RCAN2: variants seen among roughly 807,000 people sequenced by gnomAD.
RCAN2 encodes the protein calcipressin-2.
A neutral mutation model predicts 23.6 loss-of-function variants in RCAN2; 9 were observed. The observed-to-expected ratio is 0.38, with a 90% CI of 0.23 to 0.67. RCAN2 has a LOEUF of 0.67. RCAN2 is among the 30% of genes least tolerant of loss of function. The pLI, the probability that RCAN2 is intolerant of heterozygous loss-of-function variation, is 0.51. For missense variants in RCAN2, 273 were observed against 302.3 expected (o/e 0.90, Z 0.72); for synonymous variants, 109 against 115.7 (o/e 0.94, Z 0.37).
intron 1 of RCAN2, among the ~76,000 whole-genome samples, chr6:46,460,304 C>T (rs1768171001): frequency 6.6e-6 from 1 of 152,156 alleles, no homozygotes; most frequent in African/African-American, 2.4e-5. Context: ...TCAAATAGTC[C>T]TCCCATTTTG....
intron 2 of RCAN2, among the ~76,000 whole-genome samples, chr6:46,303,925 A>C (rs781437728): frequency 3.3e-5 from 5 of 152,078 alleles, no homozygotes; most frequent in African/African-American, 7.2e-5. Flanking sequence ...ATCCTTGTCC[A>C]TGTCTTCTGG....
intron 2 of RCAN2, among the ~76,000 whole-genome samples, chr6:46,403,007 C>A (rs1171958784): frequency 2.0e-5 from 3 of 151,832 alleles, no homozygotes; most frequent in African/African-American, 7.3e-5. Context: ...CTCTGTTACC[C>A]AGGCTGGAGT....
intron 2 of RCAN2, among the ~76,000 whole-genome samples, chr6:46,274,868 G>T (rs1767640833): frequency 1.3e-5 from 2 of 152,176 alleles, no homozygotes; most frequent in Non-Finnish European, 2.9e-5. Flanking sequence ...TACCCAAGGA[G>T]ACCCTTTGGC....
intron 2 of RCAN2, among the ~76,000 whole-genome samples, chr6:46,325,097 A>C (rs541597413): frequency 1.3e-5 from 2 of 152,248 alleles, no homozygotes; most frequent in Non-Finnish European, 2.9e-5. Context: ...CTCCTTATTG[A>C]CAAAGATACA....
chr6:46,344,787 A>T (rs1301441465), intron 2 of RCAN2, among the ~76,000 whole-genome samples: 1 of 152,102 alleles, frequency 6.6e-6, no homozygotes, highest in African/African-American at 2.4e-5. Context: ...AAGGCAGAAA[A>T]GGAACAACAA....
At chr6:46,380,086 C>A (rs1240680620) in intron 2 of RCAN2, among the ~76,000 whole-genome samples, 1 of 152,140 alleles carries the variant, frequency 6.6e-6, no homozygotes, top group Admixed American at 6.5e-5. Flanking sequence ...TAGGTTAGCA[C>A]AAATTTGCAG....
intron 2 of RCAN2, among the ~76,000 whole-genome samples, chr6:46,388,667 A>C (rs948371798): frequency 2.6e-5 from 4 of 152,218 alleles, no homozygotes; most frequent in Admixed American, 2.6e-4. Context: ...ATGAAGCTGA[A>C]AGCCATCATC....
chr6:46,335,664 C>G (rs1411621462), intron 2 of RCAN2, among the ~76,000 whole-genome samples: 1 of 152,148 alleles, frequency 6.6e-6, no homozygotes. Context: ...ACAAAGACAA[C>G]CTTGGTAGGG....
At chr6:46,329,183 A>C (rs756385462) in intron 2 of RCAN2, among the ~76,000 whole-genome samples, 1 of 152,194 alleles carries the variant, frequency 6.6e-6, no homozygotes, top group African/African-American at 2.4e-5. Context: ...TCTCTCTGAA[A>C]ATATTCAGAT....
At chr6:46,417,680 T>C (rs1249857270) in intron 2 of RCAN2, among the ~76,000 whole-genome samples, 2 of 152,218 alleles carry the variant, frequency 1.3e-5, no homozygotes, top group Non-Finnish European at 2.9e-5. Flanking sequence ...ATTCCTTATA[T>C]ATAATCTTAT....
At chr6:46,229,998 T>A (rs191264743) in intron 4 of RCAN2, among the ~76,000 whole-genome samples, 28 of 152,308 alleles carry the variant, frequency 1.8e-4, no homozygotes, top group African/African-American at 6.3e-4. Context: ...CTTCTAACAG[T>A]CAGGACCCTC....
chr6:46,342,872 T>C (rs1366838973), intron 2 of RCAN2, among the ~76,000 whole-genome samples: 1 of 152,076 alleles, frequency 6.6e-6, no homozygotes, highest in Admixed American at 6.6e-5. Flanking sequence ...GTAAAACTAA[T>C]ACTTTATCTA....
chr6:46,316,130 G>A (rs1486770347), intron 2 of RCAN2, among the ~76,000 whole-genome samples: 1 of 152,170 alleles, frequency 6.6e-6, no homozygotes, highest in East Asian at 1.9e-4. Context: ...CAGGGGAAGA[G>A]TTTGATATAA....
At chr6:46,276,361 C>T (rs56005100) in intron 2 of RCAN2, among the ~76,000 whole-genome samples, 24,282 of 152,086 alleles carry the variant, frequency 0.16, 2,391 homozygotes, top group Non-Finnish European at 0.23. Context: ...TACTTTGCCA[C>T]GACACAAGCT....
chr6:46,242,537 T>C (rs1766343818), intron 4 of RCAN2, among the ~76,000 whole-genome samples: 1 of 152,202 alleles, frequency 6.6e-6, no homozygotes, highest in Non-Finnish European at 1.5e-5. Context: ...TTAAACACTG[T>C]TCATCATTCC....
chr6:46,244,059 G>A (rs558586635), intron 4 of RCAN2, among the ~76,000 whole-genome samples: 29 of 151,954 alleles, frequency 1.9e-4, no homozygotes, highest in Non-Finnish European at 4.0e-4. Context: ...CTACAGCCTC[G>A]TTTCCAAATC....
rs139175885 is a variant in RCAN2, at chr6:46,488,924, A to G, written c.-3+2249T>C. 5.6e-3 allele frequency among the ~76,000 whole-genome samples: 859 copies of G among 152,202 alleles called. 4 individuals carry two copies. The highest frequency in any genetic ancestry group is 8.1e-3 in the Non-Finnish European group (554 of 67,994). On this transcript the variant is annotated intron_variant, in intron 1 of 4. Coordinates refer to ENST00000371374, the MANE Select transcript of RCAN2 (RefSeq NM_001251974.2). ...CACTCCAATGGTCTAAAGTCTCCTC[A>G]TTCCTTTTTGCAACCCCACCTCCTC... is the stretch of plus-strand genomic sequence containing the variant.
At chr6:46,400,412 C>G (rs957530509) in intron 2 of RCAN2, among the ~76,000 whole-genome samples, 2 of 152,224 alleles carry the variant, frequency 1.3e-5, no homozygotes, top group Admixed American at 1.3e-4. Flanking sequence ...AAATCAATCT[C>G]TCTCATTAGT....
chr6:46,381,100 CA>C lies in RCAN2; in HGVS notation c.225+75651del, dbSNP rs543071082. On this transcript the variant is annotated intron_variant, in intron 2 of 4. Transcript: ENST00000371374. The stretch of plus-strand genomic sequence containing the variant: ...GATCACATTAAAACATGACAATGTG[CA>C]AAAGACTGACACATTCCGTGAAGTA... Among the ~76,000 whole-genome samples, 55 of 152,260 alleles carry C rather than the reference CA, an allele frequency of 3.6e-4. 1 individual carries two copies. In the South Asian group the frequency reaches 7.5e-3, roughly 21 times the overall value.
Sources: allele counts gnomAD v4.1 joint callset (sites outside exome capture counted in the v4.1 genomes callset), GRCh38; gene constraint gnomAD v4.1.1; transcripts MANE v1.5; gene names NCBI Gene and HGNC (gene_info 2026-07-23, HGNC 2026-07-21).